DGKB: variants seen among roughly 807,000 people sequenced by gnomAD.
The protein encoded by DGKB is 90 kDa diacylglycerol kinase.
In DGKB, 67 loss-of-function variants were observed where a neutral mutation model predicts 114.3. The ratio of observed to expected loss-of-function variants is 0.59; its 90% CI spans 0.48 to 0.72. The LOEUF is 0.72. Ranked by LOEUF, DGKB falls within the 30% of genes least tolerant of loss-of-function variation. DGKB has a pLI of 0.00. For missense variants in DGKB, 907 were observed against 975.2 expected (o/e 0.93, Z 0.93); for synonymous variants, 398 against 323.1 (o/e 1.23, Z -2.49).
chr7:14,799,106 C>T (rs1378489709), intron 2 of DGKB, among the ~76,000 whole-genome samples: 1 of 152,174 alleles, frequency 6.6e-6, no homozygotes, highest in Non-Finnish European at 1.5e-5. Context: ...TAAACTTAAT[C>T]AGGTGGTTAC....
Position 14,742,747 on chromosome 7 carries a change from T to C in DGKB, c.169-6553A>G, listed in dbSNP as rs187169071. ...CATTAAAGTTTAAAATTGCTAAGAG[T>C]TACCATTATAACATGTAATTGAGAC... On this transcript the variant is annotated intron_variant, in intron 4 of 25. Coordinates refer to ENST00000402815, the MANE Select transcript of DGKB (RefSeq NM_001350709.2). Among the ~76,000 whole-genome samples the C allele has an allele frequency of 3.6e-3, 546 of 152,286 alleles. 5 individuals are homozygous for C. Among genetic ancestry groups the C allele is most frequent in the Non-Finnish European group, 3.4e-3 (232 of 67,998 alleles).
intron 21 of DGKB, among the ~76,000 whole-genome samples, chr7:14,437,425 A>G (rs1241222654): frequency 6.6e-6 from 1 of 152,114 alleles, no homozygotes; most frequent in Non-Finnish European, 1.5e-5. Context: ...GGATTAGAAA[A>G]ATAAAGTTAA....
At chr7:14,769,483 G>T (rs1229293908) in intron 2 of DGKB, among the ~76,000 whole-genome samples, 1 of 151,268 alleles carries the variant, frequency 6.6e-6, no homozygotes, top group African/African-American at 2.4e-5. Flanking sequence ...TTGATATTGG[G>T]ATTTTTTTTT....
intron 13 of DGKB, among the ~76,000 whole-genome samples, chr7:14,661,508 C>T (rs1383824299): frequency 7.5e-5 from 11 of 147,312 alleles, no homozygotes; most frequent in African/African-American, 2.5e-4. Context: ...CAATGAGATA[C>T]CATCTCACAC....
chr7:14,614,728 G>T (rs1163010383), intron 15 of DGKB, among the ~76,000 whole-genome samples: 1 of 152,080 alleles, frequency 6.6e-6, no homozygotes. Context: ...GATTGACTGA[G>T]ATACTCGTAA....
chr7:14,447,153 TA>T (rs1830832130), intron 21 of DGKB, among the ~76,000 whole-genome samples: 1 of 152,066 alleles, frequency 6.6e-6, no homozygotes. Flanking sequence ...GCATCACCCC[TA>T]GGGGGAACTT....
chr7:14,725,557 A>G (rs987191861), intron 5 of DGKB, among the ~76,000 whole-genome samples: 2 of 145,856 alleles, frequency 1.4e-5, no homozygotes, highest in Admixed American at 6.9e-5. Flanking sequence ...GGATATGTTG[A>G]TTTTTTTTTT....
At position 14,729,344 on chromosome 7, in the gene DGKB, G is replaced by A. The variant is rs377293176; in HGVS notation, c.322+6697C>T. The stretch of plus-strand genomic sequence containing the variant: ...TCACCGTGTTAGCCAGGATGGTCTC[G>A]ATCTCCTGACCTTGTGATTCGCCCA... On this transcript the variant is annotated intron_variant, in intron 5 of 25. Transcript: ENST00000402815. 3.4e-3 allele frequency among the ~76,000 whole-genome samples: 520 copies of A among 151,144 alleles called. 4 individuals carry two copies. The highest frequency in any genetic ancestry group is 4.7e-3 in the Non-Finnish European group (315 of 67,726).
chr7:14,215,922 T>A (rs1788886520), intron 23 of DGKB, among the ~76,000 whole-genome samples: 1 of 152,222 alleles, frequency 6.6e-6, no homozygotes, highest in Non-Finnish European at 1.5e-5. Context: ...TGCCACTTTG[T>A]ATATATGGCC....
chr7:14,479,625 C>T (rs910681892), intron 20 of DGKB, among the ~76,000 whole-genome samples: 17 of 152,086 alleles, frequency 1.1e-4, no homozygotes, highest in Admixed American at 8.5e-4. Context: ...CACTTTTATT[C>T]GTCCAACGAT....
intron 2 of DGKB, among the ~76,000 whole-genome samples, chr7:14,834,913 C>CT (rs1295350411): frequency 6.6e-6 from 1 of 151,982 alleles, no homozygotes; most frequent in Non-Finnish European, 1.5e-5. Flanking sequence ...TTCATAGTTA[C>CT]TTTTTTCTTT....
At chr7:14,838,652 C>T (rs539869033) in intron 2 of DGKB, among the ~76,000 whole-genome samples, 4 of 152,034 alleles carry the variant, frequency 2.6e-5, no homozygotes, top group African/African-American at 4.8e-5. Context: ...TCATGATCTA[C>T]GTTATGCAGT....
intron 1 of DGKB, among the ~76,000 whole-genome samples, chr7:14,948,308 T>A (rs1785992690): frequency 6.6e-6 from 1 of 151,832 alleles, no homozygotes; most frequent in African/African-American, 2.4e-5. Context: ...AATTTCAGAT[T>A]TAGAAGTATG....
chr7:14,882,067 T>G (rs1224745957), intron 1 of DGKB, among the ~76,000 whole-genome samples: 1 of 151,516 alleles, frequency 6.6e-6, no homozygotes. Flanking sequence ...ATTTTTAACT[T>G]AAAAAAAAAT....
At chr7:14,611,559 T>G (rs1805546372) in intron 16 of DGKB, among the ~76,000 whole-genome samples, 1 of 152,084 alleles carries the variant, frequency 6.6e-6, no homozygotes, top group African/African-American at 2.4e-5. Context: ...AGATCACCTT[T>G]AAAACATATT....
intron 2 of DGKB, among the ~76,000 whole-genome samples, chr7:14,840,400 G>A (rs1734750833): frequency 6.6e-6 from 1 of 151,944 alleles, no homozygotes; most frequent in African/African-American, 2.4e-5. Context: ...TTCAACACCT[G>A]ACCCAACTGC....
At chr7:14,549,803 A>G (rs1033533476) in intron 20 of DGKB, among the ~76,000 whole-genome samples, 1 of 152,180 alleles carries the variant, frequency 6.6e-6, no homozygotes, top group African/African-American at 2.4e-5. Context: ...CCTGGCCAAC[A>G]TAGTGAAACC....
intron 23 of DGKB, among the ~76,000 whole-genome samples, chr7:14,333,980 G>T (rs769341950): frequency 3.3e-5 from 5 of 152,136 alleles, no homozygotes; most frequent in Non-Finnish European, 5.9e-5. Context: ...AATCTTCTCT[G>T]ATAAAAGTGT....
In DGKB at chr7:14,736,199, A is replaced by G. The variant is rs80024169; in HGVS notation, c.169-5T>C. The G allele has an allele frequency of 7.0e-7, 1 of 1,418,706 alleles. No homozygotes were observed. The highest frequency in any genetic ancestry group is 2.4e-5 in the East Asian group (1 of 41,240). The allele number at this position is 1,418,706 out of a possible 1,614,324, so 87.9% of individuals were successfully genotyped here. On this transcript the variant is annotated splice_region_variant and splice_polypyrimidine_tract_variant and intron_variant, in intron 4 of 25. Coordinates refer to ENST00000402815, the MANE Select transcript of DGKB (RefSeq NM_001350709.2). ...GAAACCTTCAAAATCTATTGTCTGG[A>G]AAAAAAAAATGTAAACATGTATTTT...
Sources: allele counts gnomAD v4.1 joint callset (sites outside exome capture counted in the v4.1 genomes callset), GRCh38; gene constraint gnomAD v4.1.1; transcripts MANE v1.5; gene names NCBI Gene and HGNC (gene_info 2026-07-23, HGNC 2026-07-21).